Variants in PDE10A observed in about 807,000 individuals in gnomAD.
PDE10A encodes cAMP and cAMP-inhibited cGMP 3',5'-cyclic phosphodiesterase 10A.
Under a neutral mutation model 97.7 loss-of-function variants are expected in PDE10A, and 39 were observed. The observed-to-expected ratio is 0.40, with a 90% confidence interval of 0.31 to 0.52. The LOEUF is 0.52. Among genes scored for constraint, PDE10A ranks in the 20% least tolerant of loss-of-function variants. The pLI is 0.56. For missense variants in PDE10A, 731 were observed against 1,047.8 expected (o/e 0.70, Z 4.17); for synonymous variants, 371 against 376.8 (o/e 0.98, Z 0.18).
intron 1 of PDE10A, among the ~76,000 whole-genome samples, chr6:165,805,937 GT>G (rs1372008763): frequency 6.8e-6 from 1 of 147,682 alleles, no homozygotes; most frequent in African/African-American, 2.5e-5. Context: ...GAATCCTCTT[GT>G]GTATCTCAGC....
intron 1 of PDE10A, among the ~76,000 whole-genome samples, chr6:165,696,706 G>A (rs1412896768): frequency 6.6e-6 from 1 of 152,222 alleles, no homozygotes; most frequent in Non-Finnish European, 1.5e-5. Context: ...AAAATTGCAT[G>A]TGAGAATGAC....
At chr6:165,986,971 G>GA (rs1051813694) in intron 1 of PDE10A, among the ~76,000 whole-genome samples, 16 of 151,978 alleles carry the variant, frequency 1.1e-4, no homozygotes, top group African/African-American at 3.6e-4. Context: ...AAGAGACTGG[G>GA]GAGGTGGGGG....
chr6:165,794,211 C>CA (rs1778752911), intron 1 of PDE10A, among the ~76,000 whole-genome samples: 1 of 151,270 alleles, frequency 6.6e-6, no homozygotes, highest in South Asian at 2.1e-4. Context: ...CACACACACT[C>CA]ATCACACAAT....
chr6:165,958,349 G>A lies in PDE10A; in HGVS notation c.-615+29180C>T, dbSNP rs1220635091. Among the ~76,000 whole-genome samples the A allele has an allele frequency of 5.9e-5, 9 of 151,920 alleles. 1 individual carries two copies. In the East Asian group the frequency reaches 1.5e-3, roughly 26 times the overall value. On this transcript the variant is annotated intron_variant, in intron 1 of 19. Transcript: ENST00000366882. The stretch of plus-strand genomic sequence containing the variant: ...AGCAGTTACAAATAATTACCACTTG[G>A]CCTACAATTTCAAAAGAAAGTTGGA...
intron 10 of PDE10A, among the ~76,000 whole-genome samples, chr6:165,420,646 G>A (rs543091485): frequency 1.2e-4 from 19 of 152,262 alleles, no homozygotes; most frequent in African/African-American, 4.1e-4. Flanking sequence ...GTTAATATTT[G>A]TTTAAAATCT....
chr6:165,715,480 G>A (rs939700151), intron 1 of PDE10A, among the ~76,000 whole-genome samples: 1 of 152,132 alleles, frequency 6.6e-6, no homozygotes, highest in African/African-American at 2.4e-5. Context: ...CAGGAATGCT[G>A]TGTTTTGGGT....
intron 1 of PDE10A, among the ~76,000 whole-genome samples, chr6:165,925,676 G>A (rs1398903192): frequency 6.6e-6 from 1 of 152,234 alleles, no homozygotes; most frequent in African/African-American, 2.4e-5. Flanking sequence ...AAACTATTGA[G>A]AGGGAGAACT....
chr6:165,510,591 T>C (rs1781452259), intron 2 of PDE10A, among the ~76,000 whole-genome samples: 1 of 151,986 alleles, frequency 6.6e-6, no homozygotes, highest in South Asian at 2.1e-4. Flanking sequence ...TTTCTTGGAA[T>C]AGTGTGAGGA....
At chr6:165,582,811 G>A (rs996244980) in intron 1 of PDE10A, among the ~76,000 whole-genome samples, 4 of 151,754 alleles carry the variant, frequency 2.6e-5, no homozygotes, top group Non-Finnish European at 5.9e-5. Context: ...TTTTCAAATT[G>A]TTACACATTC....
intron 2 of PDE10A, 82 bp downstream of exon 2, chr6:165,543,358 A>T (rs1783563785): frequency 1.8e-6 from 2 of 1,109,770 alleles, no homozygotes; most frequent in Non-Finnish European, 2.5e-6. Context: ...TATATTTCAC[A>T]CTCTAGAATA....
intron 1 of PDE10A, among the ~76,000 whole-genome samples, chr6:165,865,747 AG>A (rs1781024849): frequency 1.2e-5 from 1 of 80,956 alleles, no homozygotes; most frequent in African/African-American, 4.7e-5. Flanking sequence ...CAAGAAAAAA[AG>A]GGATAAAAAA....
intron 1 of PDE10A, among the ~76,000 whole-genome samples, chr6:165,614,675 G>A (rs982268164): frequency 6.6e-6 from 1 of 152,122 alleles, no homozygotes; most frequent in Non-Finnish European, 1.5e-5. Flanking sequence ...TTTGTTCACT[G>A]TTGTATTTCC....
At chr6:165,622,806 T>A (rs1481018783) in intron 1 of PDE10A, among the ~76,000 whole-genome samples, 1 of 152,210 alleles carries the variant, frequency 6.6e-6, no homozygotes, top group African/African-American at 2.4e-5. Flanking sequence ...TGACAGAGTT[T>A]GGAAATCTCA....
At chr6:165,820,061 G>T (rs546101036) in intron 1 of PDE10A, among the ~76,000 whole-genome samples, 1 of 152,268 alleles carries the variant, frequency 6.6e-6, no homozygotes, top group South Asian at 2.1e-4. Flanking sequence ...ATGTAAGTCT[G>T]TTACTACAAA....
In PDE10A at chr6:165,885,733, T is replaced by C. The variant is rs1345530760; in HGVS notation, c.-615+101796A>G. ...TGCGTCCTTCACTCTTGTTTGCCTT[T>C]ATTGGATGCCTTTGATACATGGGCA... On this transcript the variant is annotated intron_variant, in intron 1 of 19. Transcript: ENST00000366882. 2.0e-5 allele frequency among the ~76,000 whole-genome samples: 3 copies of C among 152,234 alleles called. No homozygotes were observed. The East Asian group carries it at 5.8e-4, about 29-fold the overall frequency.
At chr6:165,621,996 G>A (rs915367705) in intron 1 of PDE10A, among the ~76,000 whole-genome samples, 2 of 152,186 alleles carry the variant, frequency 1.3e-5, no homozygotes, top group South Asian at 2.1e-4. Flanking sequence ...AGTGGACTCT[G>A]AGTAAAGCAG....
chr6:165,900,385 T>C (rs565306572), intron 1 of PDE10A, among the ~76,000 whole-genome samples: 1 of 152,074 alleles, frequency 6.6e-6, no homozygotes, highest in Non-Finnish European at 1.5e-5. Context: ...GGCAGGAGAA[T>C]GGCTTGAACC....
At chr6:165,650,867 AG>A (rs1181969788) in intron 1 of PDE10A, among the ~76,000 whole-genome samples, 2 of 151,974 alleles carry the variant, frequency 1.3e-5, no homozygotes, top group African/African-American at 2.4e-5. Context: ...CCTCCCCAGT[AG>A]CTGGGACTAC....
intron 1 of PDE10A, among the ~76,000 whole-genome samples, chr6:165,805,496 G>C (rs2128466303): frequency 6.6e-6 from 1 of 152,316 alleles, no homozygotes; most frequent in South Asian, 2.1e-4. Flanking sequence ...CCACGGGCCA[G>C]ATGTCCCTTT....
Sources: gnomAD v4.1 joint callset for allele counts (sites outside exome capture counted in the v4.1 genomes callset) on GRCh38, gnomAD v4.1.1 for gene constraint, MANE v1.5 for transcripts, NCBI Gene and HGNC (gene_info 2026-07-23, HGNC 2026-07-21) for gene names.